The following CHN1 variants were observed in gnomAD, a reference collection of about 807,000 sequenced individuals.
The protein encoded by CHN1 is chimerin 1, also known as N-chimaerin.
A neutral mutation model predicts 59.5 loss-of-function variants in CHN1; 37 were observed. The observed-to-expected ratio is 0.62, with a 90% CI of 0.48 to 0.82. The LOEUF is 0.82. Among genes scored for constraint, CHN1 ranks in the 40% least tolerant of loss-of-function variants. CHN1 has a pLI of 0.00. For missense variants in CHN1, 469 were observed against 571.0 expected, an observed-to-expected ratio of 0.82 and a Z score of 1.82; for synonymous variants, 206 against 200.4, an observed-to-expected ratio of 1.03 and a Z score of -0.24.
At position 175,004,999 on chromosome 2, in the gene CHN1, C is replaced by A; in HGVS notation, c.-87G>T. ...CCTCATCAGCCCGCCGCACCCACAC[C>A]TCGGAGAGAGTGGGGTGCCCGATGG... is the stretch of plus-strand genomic sequence containing the variant. On this transcript the variant is annotated 5_prime_UTR_variant, in exon 1 of 13. In the 5' UTR this introduces an upstream ATG that the reference lacks. Transcript: ENST00000409900. The A allele has an allele frequency of 6.7e-7, 1 of 1,499,044 alleles. No homozygotes were observed. Among genetic ancestry groups the A allele is most frequent in the South Asian group, 1.2e-5 (1 of 80,922 alleles). The allele number at this position is 1,499,044 out of a possible 1,614,324, so 92.9% of individuals were successfully genotyped here. A position where few individuals can be genotyped will look rare whatever the true frequency, so the allele number is the denominator to read the frequency against.
At chr2:174,863,193 C>T (rs1271182625) in intron 6 of CHN1, among the ~76,000 whole-genome samples, 2 of 152,134 alleles carry the variant, frequency 1.3e-5, no homozygotes, top group Non-Finnish European at 2.9e-5. Context: ...ACCTACGTAA[C>T]TCAGTGAACC....
chr2:174,934,659 C>T (rs1689444955), intron 3 of CHN1, among the ~76,000 whole-genome samples: 2 of 152,160 alleles, frequency 1.3e-5, no homozygotes, highest in Non-Finnish European at 1.5e-5. Context: ...TTTCATTTTC[C>T]TCCAGCCATA....
At chr2:174,985,382 G>A (rs138564904) in intron 1 of CHN1, among the ~76,000 whole-genome samples, 1 of 151,986 alleles carries the variant, frequency 6.6e-6, no homozygotes, top group Non-Finnish European at 1.5e-5. Flanking sequence ...ACTGTGATTG[G>A]GTAGATTCCT....
intron 5 of CHN1, among the ~76,000 whole-genome samples, chr2:174,880,196 A>G (rs971957775): frequency 6.6e-6 from 1 of 152,242 alleles, no homozygotes; most frequent in Non-Finnish European, 1.5e-5. Context: ...AAGGGAGATG[A>G]TCACATAACC....
intron 12 of CHN1, among the ~76,000 whole-genome samples, chr2:174,800,727 C>T (rs541568579): frequency 6.8e-4 from 84 of 123,202 alleles, no homozygotes; most frequent in African/African-American, 2.7e-3. Context: ...AGAACAGCAG[C>T]GACAGTAATA....
chr2:174,868,245 A>C (rs1477232223), intron 6 of CHN1, among the ~76,000 whole-genome samples: 1 of 152,200 alleles, frequency 6.6e-6, no homozygotes, highest in Non-Finnish European at 1.5e-5. Context: ...TATCACCTAC[A>C]CATGTTGGCA....
chr2:174,836,280 G>A (rs1166436503), intron 7 of CHN1, among the ~76,000 whole-genome samples: 1 of 152,170 alleles, frequency 6.6e-6, no homozygotes, highest in East Asian at 1.9e-4. Context: ...TCTGGCTGTG[G>A]TTTTTATATA....
At chr2:174,997,959 C>T (rs1691763558) in intron 1 of CHN1, among the ~76,000 whole-genome samples, 1 of 146,866 alleles carries the variant, frequency 6.8e-6, no homozygotes, top group South Asian at 2.2e-4. Context: ...TGCACTCCAG[C>T]CTGGGTGACA....
intron 6 of CHN1, among the ~76,000 whole-genome samples, chr2:174,872,076 G>T (rs1687426914): frequency 6.6e-6 from 1 of 152,118 alleles, no homozygotes. Context: ...GAGCTCAAGA[G>T]TTTGAGACCA....
chr2:174,832,446 G>C (rs1455856340), intron 7 of CHN1, among the ~76,000 whole-genome samples: 3 of 151,868 alleles, frequency 2.0e-5, no homozygotes, highest in Non-Finnish European at 4.4e-5. Flanking sequence ...AGCATTTAAT[G>C]ATATAAATTT....
At position 174,804,018 on chromosome 2, in the gene CHN1, T is replaced by C. The variant is rs561731190; in HGVS notation, c.1103-2206A>G. Among the ~76,000 whole-genome samples the C allele has an allele frequency of 7.9e-5, 12 of 152,326 alleles. No individual in the cohort carries two copies. In the South Asian group the frequency reaches 2.5e-3, roughly 32 times the overall value. ...ATCTCCTGCACATGGGGAGCTTACT[T>C]GCTACTGAGGGTGACTGACAATAAA... On this transcript the variant is annotated intron_variant, in intron 11 of 12. Transcript: ENST00000409900.
At chr2:174,994,037 T>C (rs1194663888) in intron 1 of CHN1, among the ~76,000 whole-genome samples, 2 of 152,234 alleles carry the variant, frequency 1.3e-5, no homozygotes, top group Admixed American at 6.5e-5. Flanking sequence ...AGTTTGATTA[T>C]GTTCCCTACT....
rs989910611 is a variant in CHN1, at chr2:174,907,613, G to T, written c.260+7445C>A. ...TCTCAAAATAAAAATAGCTCTTTTG[G>T]TTTTTTTTTTTTTTTTCTGTTTGTA... On this transcript the variant is annotated intron_variant, in intron 5 of 12. Coordinates refer to ENST00000409900, the MANE Select transcript of CHN1 (RefSeq NM_001822.7). Among the ~76,000 whole-genome samples the T allele has an allele frequency of 2.8e-3, 367 of 130,344 alleles. 1 individual carries two copies. The highest frequency in any genetic ancestry group is 0.013 in the South Asian group (54 of 4,044). The allele number at this position is 130,344 out of a possible 152,430, so 85.5% of individuals were successfully genotyped here.
chr2:174,831,302 A>G (rs1411685747), intron 7 of CHN1, among the ~76,000 whole-genome samples: 2 of 152,230 alleles, frequency 1.3e-5, no homozygotes, highest in Non-Finnish European at 1.5e-5. Context: ...ATTCCCAATC[A>G]CCGCTATGTT....
intron 6 of CHN1, among the ~76,000 whole-genome samples, chr2:174,873,251 C>G (rs2600703): frequency 0.049 from 7,510 of 152,134 alleles, 606 homozygotes; most frequent in African/African-American, 0.17. Flanking sequence ...GGCATGTAAA[C>G]TTGGGGGAGA....
At position 174,812,378 on chromosome 2, in the gene CHN1, G is replaced by C. The variant is rs1449934726; in HGVS notation, c.817C>G (p.Leu273Val). ...CGCTTAGTGGTATGTGCTTTCACGA[G>C]CGTCGTAAGGTCACAGCTGTACACC... ...KKVYSCDLTTLVKAHTTKRPM... is the reference protein window; with the variant it reads ...KKVYSCDLTTVVKAHTTKRPM... Residue 273 changes from leucine (L) to valine (V), a missense_variant, in exon 9 of 13, where the codon CTC (leucine) becomes GTC (valine). By Grantham distance (32) the Leu-to-Val change is conservative. Around this residue, in one of 5 missense-constraint regions of CHN1, gnomAD observed 225 missense variants for 289.9 expected, o/e 0.78. Transcript: ENST00000409900. 1.2e-6 allele frequency: 2 copies of C among 1,614,004 alleles called. No homozygotes were observed. Among genetic ancestry groups the C allele is most frequent in the Non-Finnish European group, 1.7e-6 (2 of 1,179,888 alleles).
chr2:174,925,920 T>C (rs1448423361), intron 3 of CHN1, among the ~76,000 whole-genome samples: 3 of 152,244 alleles, frequency 2.0e-5, no homozygotes, highest in Non-Finnish European at 4.4e-5. Context: ...CTCTGGGCCT[T>C]GTTACTCATA....
chr2:174,942,014 T>C (rs536379006), intron 3 of CHN1, among the ~76,000 whole-genome samples: 69 of 152,158 alleles, frequency 4.5e-4, no homozygotes, highest in Non-Finnish European at 8.8e-4. Context: ...ACAAAACAAA[T>C]GCTGGCAAAG....
At chr2:174,918,443 CT>C in intron 4 of CHN1, 90 bp downstream of exon 4, 1 of 953,178 alleles carries the variant, frequency 1.0e-6, no homozygotes, top group South Asian at 2.6e-5. Flanking sequence ...AACTTGAATA[CT>C]TCATCTTGCT....
Sources: allele counts gnomAD v4.1 joint callset (sites outside exome capture counted in the v4.1 genomes callset), GRCh38; gene constraint gnomAD v4.1.1; regional missense constraint gnomAD v4.1.1; transcripts MANE v1.5; gene names NCBI Gene and HGNC (gene_info 2026-07-23, HGNC 2026-07-21).